The following CWC27 variants were observed in gnomAD, a reference collection of about 807,000 sequenced individuals.
The protein encoded by CWC27 is CWC27 spliceosome associated cyclophilin.
A neutral mutation model predicts 63.6 loss-of-function variants in CWC27; 47 were observed. The ratio of observed to expected loss-of-function variants is 0.74; its 90% CI spans 0.58 to 0.94. The LOEUF is 0.94. CWC27 is among the 40% of genes least tolerant of loss of function. The pLI is 0.00. For missense variants in CWC27, 495 were observed against 554.3 expected, an observed-to-expected ratio of 0.89 and a Z score of 1.07; for synonymous variants, 175 against 179.8, an observed-to-expected ratio of 0.97 and a Z score of 0.22.
At chr5:64,868,356 G>A (rs1468395649) in intron 10 of CWC27, among the ~76,000 whole-genome samples, 3 of 152,050 alleles carry the variant, frequency 2.0e-5, no homozygotes, top group Non-Finnish European at 2.9e-5. Flanking sequence ...CGCCTCTTAA[G>A]TTTTTAGTGT....
At chr5:64,916,992 C>T (rs891793225) in intron 11 of CWC27, among the ~76,000 whole-genome samples, 11 of 151,764 alleles carry the variant, frequency 7.2e-5, no homozygotes, top group Non-Finnish European at 4.4e-5. Context: ...TCTTTGGGTT[C>T]AGGACCTCAG....
At position 64,940,135 on chromosome 5, in the gene CWC27, T is replaced by C. The variant is rs540783058; in HGVS notation, c.1043-31568T>C. On this transcript the variant is annotated intron_variant, in intron 11 of 13. Coordinates refer to ENST00000381070, the MANE Select transcript of CWC27 (RefSeq NM_005869.4). ...TTCCAGGCATGTGAACAGTTCTGTCTCACTGGCATTCCAGGTGCCACTGGG... is the reference window on the plus strand; with the variant it reads ...TTCCAGGCATGTGAACAGTTCTGTCCCACTGGCATTCCAGGTGCCACTGGG... 7.2e-5 allele frequency among the ~76,000 whole-genome samples: 11 copies of C among 152,214 alleles called. No homozygotes were observed. In the South Asian group the frequency reaches 2.3e-3, roughly 32 times the overall value.
intron 2 of CWC27, among the ~76,000 whole-genome samples, chr5:64,779,602 C>A (rs1207469527): frequency 1.3e-5 from 2 of 152,066 alleles, no homozygotes; most frequent in South Asian, 4.1e-4. Flanking sequence ...CTATAATGTG[C>A]AGCCGGCACC....
intron 10 of CWC27, chr5:64,807,602 A>G: frequency 6.5e-7 from 1 of 1,527,638 alleles, no homozygotes; most frequent in East Asian, 2.5e-5. Context: ...TTTCCAGCCC[A>G]CCTTCTCTAT....
chr5:64,774,344 T>C (rs1743365740), intron 1 of CWC27, among the ~76,000 whole-genome samples: 1 of 152,156 alleles, frequency 6.6e-6, no homozygotes, highest in Non-Finnish European at 1.5e-5. Context: ...ACAGGGTCTG[T>C]CTGTGTTGCC....
intron 11 of CWC27, among the ~76,000 whole-genome samples, chr5:64,889,280 T>C (rs538318399): frequency 1.6e-4 from 24 of 152,326 alleles, no homozygotes; most frequent in African/African-American, 5.5e-4. Context: ...TTAATAGTAT[T>C]GTTCCAACAT....
At chr5:64,816,653 T>C (rs1580635551) in intron 10 of CWC27, among the ~76,000 whole-genome samples, 1 of 152,206 alleles carries the variant, frequency 6.6e-6, no homozygotes, top group South Asian at 2.1e-4. Context: ...TCTGGACATT[T>C]CCTATATGAG....
At chr5:64,986,674 G>A (rs533829664) in intron 13 of CWC27, among the ~76,000 whole-genome samples, 41 of 151,910 alleles carry the variant, frequency 2.7e-4, no homozygotes, top group African/African-American at 9.7e-4. Flanking sequence ...GATGCTTTTT[G>A]TTTTATCAGA....
At chr5:64,906,076 T>G (rs1367112249) in intron 11 of CWC27, among the ~76,000 whole-genome samples, 1 of 152,196 alleles carries the variant, frequency 6.6e-6, no homozygotes, top group Non-Finnish European at 1.5e-5. Flanking sequence ...ATCCAGTCTA[T>G]CATTGATAGA....
intron 13 of CWC27, among the ~76,000 whole-genome samples, chr5:64,997,293 T>G (rs1378234396): frequency 6.6e-6 from 1 of 152,186 alleles, no homozygotes; most frequent in Non-Finnish European, 1.5e-5. Flanking sequence ...TTTCTAACTC[T>G]GTGCCCTAAA....
At chr5:64,982,514 C>A (rs987953198) in intron 13 of CWC27, among the ~76,000 whole-genome samples, 1 of 151,386 alleles carries the variant, frequency 6.6e-6, no homozygotes, top group African/African-American at 2.4e-5. Flanking sequence ...AAGATAGCAT[C>A]TCACTATGTT....
chr5:64,801,195 T>A (rs1744473319), intron 8 of CWC27, 107 bp from the exon 9 acceptor site: 23 of 1,021,724 alleles, frequency 2.3e-5, no homozygotes, highest in Non-Finnish European at 3.1e-5. Context: ...TTGAAATACA[T>A]TTTTGGAATG....
intron 10 of CWC27, among the ~76,000 whole-genome samples, chr5:64,836,163 A>G (rs1042275616): frequency 1.3e-5 from 2 of 151,932 alleles, no homozygotes; most frequent in Admixed American, 6.6e-5. Flanking sequence ...TAATAATGGT[A>G]TAATTTAGTG....
chr5:64,837,778 A>G (rs1202350407), intron 10 of CWC27, among the ~76,000 whole-genome samples: 4 of 152,052 alleles, frequency 2.6e-5, no homozygotes, highest in South Asian at 2.1e-4. Context: ...AACATTTTCA[A>G]ACTACAAAAT....
intron 13 of CWC27, among the ~76,000 whole-genome samples, chr5:65,009,526 A>G (rs752294627): frequency 2.4e-4 from 37 of 152,196 alleles, no homozygotes; most frequent in Non-Finnish European, 1.0e-4. Flanking sequence ...TGCCAATATG[A>G]TGGTATTTGG....
intron 11 of CWC27, among the ~76,000 whole-genome samples, chr5:64,961,674 CTG>C (rs955540539): frequency 2.0e-5 from 3 of 152,264 alleles, no homozygotes; most frequent in South Asian, 2.1e-4. Context: ...ACAGAAGACA[CTG>C]TGTAATTATG....
At chr5:64,831,644 CT>C (rs1745524162) in intron 10 of CWC27, among the ~76,000 whole-genome samples, 1 of 151,826 alleles carries the variant, frequency 6.6e-6, no homozygotes, top group Non-Finnish European at 1.5e-5. Flanking sequence ...ACAAAATTAT[CT>C]ATACACCAAA....
intron 13 of CWC27, 137 bp downstream of exon 13, chr5:64,977,375 C>T: frequency 1.8e-6 from 1 of 552,060 alleles, no homozygotes; most frequent in East Asian, 3.2e-5. Flanking sequence ...CAACTTTTGA[C>T]TTTATTTCAG....
intron 13 of CWC27, among the ~76,000 whole-genome samples, chr5:64,992,563 G>A (rs544275472): frequency 4.0e-5 from 6 of 148,982 alleles, no homozygotes; most frequent in African/African-American, 1.5e-4. Context: ...ACAGAGTATC[G>A]CTCTGTTGCC....
Sources: gnomAD v4.1 joint callset for allele counts (sites outside exome capture counted in the v4.1 genomes callset) on GRCh38, gnomAD v4.1.1 for gene constraint, MANE v1.5 for transcripts, NCBI Gene and HGNC (gene_info 2026-07-23, HGNC 2026-07-21) for gene names.